Variants in JADE3 observed in about 807,000 individuals in gnomAD.
JADE3 encodes jade family PHD finger 3.
JADE3 carries 2 observed loss-of-function variants against 50.1 expected under a neutral mutation model. The ratio of observed to expected loss-of-function variants is 0.04; its 90% CI spans 0.02 to 0.13. The LOEUF (loss-of-function observed/expected upper bound fraction) is 0.13. Among genes scored for constraint, JADE3 ranks in the 10% least tolerant of loss-of-function variants. JADE3 has a pLI of 1.00. For synonymous variants in JADE3, 218 were observed against 232.9 expected, an observed-to-expected ratio of 0.94 and a Z score of 0.58; for missense variants, 475 against 634.4, an observed-to-expected ratio of 0.75 and a Z score of 2.70.
intron 1 of JADE3, among the ~76,000 whole-genome samples, chrX:46,931,624 A>T (rs782278984): frequency 9.1e-6 from 1 of 110,223 alleles, no homozygotes; most frequent in Non-Finnish European, 1.9e-5. Context: ...GGGTTTCACT[A>T]TGTTGGCCAG....
At chrX:46,935,826 C>CTT (rs142025908) in intron 1 of JADE3, among the ~76,000 whole-genome samples, 2,843 of 62,504 alleles carry the variant, frequency 0.045, 198 homozygotes, top group African/African-American at 0.11. Context: ...AAGTCTTTCA[C>CTT]TTTTTTTTTT....
intron 1 of JADE3, among the ~76,000 whole-genome samples, chrX:46,944,513 G>A (rs1556342896): frequency 9.1e-6 from 1 of 110,177 alleles, no homozygotes; most frequent in Admixed American, 9.7e-5. Context: ...TCACCATATT[G>A]TCCAGGCTGA....
At position 47,000,138 on chromosome X, in the gene JADE3, C is replaced by G. The variant is rs937955755; in HGVS notation, c.284+1861C>G. ...CCTACCCACAGAGAGGCTGCCTATG[C>G]TCTGTTAAGGAAAGCTCCACAGCCT... On this transcript the variant is annotated intron_variant, in intron 4 of 10. Coordinates refer to ENST00000614628, the MANE Select transcript of JADE3 (RefSeq NM_014735.5). 1.0e-3 allele frequency among the ~76,000 whole-genome samples: 116 copies of G among 111,219 alleles called. 1 individual carries two copies. Among genetic ancestry groups the G allele is most frequent in the African/African-American group, 3.6e-3 (109 of 30,572 alleles).
chrX:46,987,603 A>G (rs1341045543), intron 3 of JADE3, among the ~76,000 whole-genome samples: 1 of 112,255 alleles, frequency 8.9e-6, no homozygotes, highest in Non-Finnish European at 1.9e-5. Flanking sequence ...GAGTTTATTT[A>G]TATATGTCCA....
chrX:46,931,855 A>G (rs1174582796), intron 1 of JADE3, among the ~76,000 whole-genome samples: 1 of 112,005 alleles, frequency 8.9e-6, no homozygotes, highest in Non-Finnish European at 1.9e-5. Context: ...TTGAAAATAA[A>G]CTTGCATATA....
chrX:47,034,731 C>T (rs1929095804), intron 7 of JADE3, among the ~76,000 whole-genome samples: 1 of 108,450 alleles, frequency 9.2e-6, no homozygotes, highest in African/African-American at 3.4e-5. Context: ...TCCCGAGTAG[C>T]TGGGACTACA....
At chrX:47,041,095 A>G (rs1929245117) in intron 8 of JADE3, among the ~76,000 whole-genome samples, 1 of 111,189 alleles carries the variant, frequency 9.0e-6, no homozygotes, top group Non-Finnish European at 1.9e-5. Context: ...GTGTTTATCT[A>G]AGCTCTCTCC....
rs1396581430 is a variant in JADE3, at chrX:47,061,124, CTTCT to C, written c.*2050_*2053del. On this transcript the variant is annotated 3_prime_UTR_variant, in exon 11 of 11. Transcript: ENST00000614628. The stretch of plus-strand genomic sequence containing the variant: ...GTTGTTTGAAGTATTACCTCTTAAC[CTTCT>C]TTGTTAATTTTTTTCATTTTGTCTT... The C allele has an allele frequency of 1.8e-5, 2 of 111,763 alleles. No homozygotes were observed. Among genetic ancestry groups the C allele is most frequent in the Admixed American group, 9.6e-5 (1 of 10,404 alleles). The allele number at this position is 111,763 out of a possible 1,213,427, so 9.2% of individuals were successfully genotyped here.
At chrX:46,924,605 CA>C (rs1423047362) in intron 1 of JADE3, among the ~76,000 whole-genome samples, 1 of 111,908 alleles carries the variant, frequency 8.9e-6, no homozygotes, top group African/African-American at 3.2e-5. Context: ...AAACTCAGTA[CA>C]GGTTAGTTTT....
At chrX:46,946,835 A>G (rs2147114197) in intron 1 of JADE3, among the ~76,000 whole-genome samples, 1 of 111,711 alleles carries the variant, frequency 9.0e-6, no homozygotes, top group South Asian at 3.8e-4. Flanking sequence ...GCCTGATGAT[A>G]AACATTTATC....
At chrX:47,017,463 T>G (rs183924662) in intron 4 of JADE3, among the ~76,000 whole-genome samples, 1 of 112,052 alleles carries the variant, frequency 8.9e-6, no homozygotes, top group Non-Finnish European at 1.9e-5. Flanking sequence ...GCTTCATTTT[T>G]TGTTGAAAGC....
chrX:47,021,395 A>C (rs1928790230), intron 4 of JADE3, among the ~76,000 whole-genome samples: 1 of 111,572 alleles, frequency 9.0e-6, no homozygotes, highest in Admixed American at 9.6e-5. Context: ...CCTACCATAA[A>C]AATGCTGATA....
intron 3 of JADE3, among the ~76,000 whole-genome samples, chrX:46,989,894 A>G (rs1371202942): frequency 9.4e-6 from 1 of 106,489 alleles, no homozygotes; most frequent in Non-Finnish European, 1.9e-5. Flanking sequence ...TTTTTTTTTC[A>G]GTGTATATTC....
At chrX:47,049,755 C>CTTTTTTTT (rs536912145) in intron 8 of JADE3, among the ~76,000 whole-genome samples, 6 of 55,891 alleles carry the variant, frequency 1.1e-4, no homozygotes, top group Admixed American at 2.4e-4. Flanking sequence ...TCTTCTTCTT[C>CTTTTTTTT]TTTTTTTTTT....
intron 4 of JADE3, among the ~76,000 whole-genome samples, chrX:47,015,427 CA>C (rs1395721450): frequency 9.2e-6 from 1 of 108,860 alleles, no homozygotes; most frequent in Non-Finnish European, 1.9e-5. Flanking sequence ...ACCAAAAATA[CA>C]AAAAAATTAG....
At chrX:47,034,914 G>A (rs901193878) in intron 7 of JADE3, among the ~76,000 whole-genome samples, 8 of 109,868 alleles carry the variant, frequency 7.3e-5, no homozygotes, top group African/African-American at 1.7e-4. Context: ...GCGCCCGGCC[G>A]ATGCCCTTTA....
rs1488301594 is a variant in JADE3, at chrX:47,009,967, G to A, written c.284+11690G>A. ...CTAAAATAAAAAGATTTTTTTGGCC[G>A]GGCATCTCAAAAAAAAAAAAGATTT... On this transcript the variant is annotated intron_variant, in intron 4 of 10. Coordinates refer to ENST00000614628, the MANE Select transcript of JADE3 (RefSeq NM_014735.5). Among the ~76,000 whole-genome samples, 10 of 88,977 alleles carry A rather than the reference G, an allele frequency of 1.1e-4. No individual in the cohort carries two copies. In the South Asian group the frequency reaches 3.7e-3, roughly 33 times the overall value. The allele number at this position is 88,977 out of a possible 115,157, so 77.3% of individuals were successfully genotyped here.
chrX:47,023,207 T>C (rs782305139), intron 4 of JADE3, among the ~76,000 whole-genome samples: 3 of 111,369 alleles, frequency 2.7e-5, no homozygotes, highest in Admixed American at 9.6e-5. Flanking sequence ...GCTGCACAAA[T>C]CATCCCATCA....
At chrX:46,995,922 TCTAA>T (rs1389060682) in intron 3 of JADE3, among the ~76,000 whole-genome samples, 2 of 112,724 alleles carry the variant, frequency 1.8e-5, no homozygotes, top group Non-Finnish European at 3.7e-5. Context: ...CCTGTTTTTC[TCTAA>T]AGGGGAAGGA....
Sources: allele counts gnomAD v4.1 joint callset (sites outside exome capture counted in the v4.1 genomes callset), GRCh38; gene constraint gnomAD v4.1.1; transcripts MANE v1.5; gene names NCBI Gene and HGNC (gene_info 2026-07-23, HGNC 2026-07-21).